The following ABCG5 variants were observed in gnomAD, a reference collection of about 807,000 sequenced individuals.
ABCG5 encodes the protein ATP-binding cassette sub-family G member 5.
A neutral mutation model predicts 64.5 loss-of-function variants in ABCG5; 64 were observed. That is an observed-to-expected ratio of 0.99 (90% confidence interval 0.81 to 1.22). The LOEUF is 1.22. ABCG5 is among the 50% of genes most tolerant of loss of function. ABCG5 has a pLI of 0.00. For missense variants in ABCG5, 908 were observed against 829.5 expected, an observed-to-expected ratio of 1.09 and a Z score of -1.16; for synonymous variants, 385 against 326.3, an observed-to-expected ratio of 1.18 and a Z score of -1.94.
rs1194231261 is a variant in ABCG5 at position 43,813,309 on chromosome 2, C to T, written c.1763G>A (p.Gly588Asp). The T allele has an allele frequency of 1.2e-6, 2 of 1,607,580 alleles. No homozygotes were observed. Among genetic ancestry groups the T allele is most frequent in the Admixed American group, 1.7e-5 (1 of 59,904 alleles). ...NEFYGLNFTC[G>D]SSNVSVTTNP... ...AGTTGTCACAGAAACATTTGAGCTG[C>T]CTGTCAAGGAAAAGATTGACAGTGT... Residue 588 changes from glycine to aspartate, a missense_variant and splice_region_variant, in exon 13 of 13, where the codon GGC (glycine) becomes GAC (aspartate). Coordinates refer to ENST00000405322, the MANE Select transcript of ABCG5 (RefSeq NM_022436.3).
At chr2:43,808,550 A>C (rs1666356198), downstream of ABCG5, among the ~76,000 whole-genome samples, 1 of 152,238 alleles carries the variant, frequency 6.6e-6, no homozygotes, top group African/African-American at 2.4e-5. Context: ...GCCAAGAGGC[A>C]TCCCCTTAGA....
At chr2:43,828,303 A>C in intron 4 of ABCG5, 188 bp from the exon 5 acceptor site, 2 of 781,372 alleles carry the variant, frequency 2.6e-6, no homozygotes, top group Non-Finnish European at 4.1e-6. Flanking sequence ...AAATCGTAAT[A>C]CATGTGTCAG....
intron 10 of ABCG5, among the ~76,000 whole-genome samples, chr2:43,822,342 A>G (rs951840584): frequency 6.6e-6 from 1 of 152,044 alleles, no homozygotes; most frequent in Admixed American, 6.5e-5. Flanking sequence ...ATCCTCTCTG[A>G]TGCTGCCCAA....
intron 11 of ABCG5, among the ~76,000 whole-genome samples, chr2:43,817,954 C>T (rs2104773031): frequency 6.6e-6 from 1 of 152,118 alleles, no homozygotes; most frequent in Middle Eastern, 3.4e-3. Flanking sequence ...ACACCTAGCC[C>T]ACCAAACATT....
At chr2:43,809,860 G>C, downstream of ABCG5, 1 of 1,484,192 alleles carries the variant, frequency 6.7e-7, no homozygotes, top group Non-Finnish European at 8.9e-7. Flanking sequence ...TGTGAAGAAA[G>C]TTAAACTGTA....
At position 43,828,024 on chromosome 2, in the gene ABCG5, C is replaced by T. The variant is rs141828689; in HGVS notation, c.593G>A (p.Arg198Gln). ...CTGGGCTGCGATGGAGACCCGGCGC[C>T]GCTCACCCGTGGAAATGCCCCCCAA... ...YSLGGISTGE[R>Q]RRVSIAAQLL... is the part of the protein sequence containing the mutation. The change falls in exon 5 of 13, where the codon CGG (arginine) becomes CAG (glutamine). Residue 198 changes from arginine (R) to glutamine (Q), a missense_variant. Physicochemically the swap from Arg to Gln is conservative, Grantham distance 43. Transcript: ENST00000405322. 2,202 of 1,614,134 alleles carry T rather than the reference C, an allele frequency of 1.4e-3. 3 individuals are homozygous for T. The highest frequency in any genetic ancestry group is 1.7e-3 in the Non-Finnish European group (1,961 of 1,180,032).
chr2:43,820,129 T>A, intron 10 of ABCG5, 29 bp from the exon 11 acceptor site: 1 of 1,605,190 alleles, frequency 6.2e-7, no homozygotes, highest in Non-Finnish European at 8.5e-7. Flanking sequence ...TTTAGTTTCC[T>A]CTCCAAGGGC....
Position 43,822,479 on chromosome 2 carries a change from C to A in ABCG5, c.1463+318G>T, listed in dbSNP as rs749560093. On this transcript the variant is annotated intron_variant, in intron 10 of 12. Transcript: ENST00000405322. ...AGGCTGCTTTCTCCCCTCCCCCAGG[C>A]CCCCCCCCATGCACCTGGGTCCTAG... 0.02 allele frequency: 13,371 copies of A among 668,654 alleles called. 1,133 individuals are homozygous for A. The highest frequency in any genetic ancestry group is 0.022 in the Non-Finnish European group (12,081 of 550,424). 41.4% of individuals were successfully genotyped at this position (668,654 alleles called of 1,614,324 possible).
At position 43,829,616 on chromosome 2, in the gene ABCG5, C is replaced by T. The variant is rs530193816; in HGVS notation, c.502-1501G>A. Among the ~76,000 whole-genome samples, 7 of 152,328 alleles carry T rather than the reference C, an allele frequency of 4.6e-5. No homozygotes were observed. In the East Asian group the frequency reaches 1.3e-3, roughly 29 times the overall value. The stretch of plus-strand genomic sequence containing the variant: ...CCTCAGCTTATCTCCTCTCCAGAGA[C>T]CTGTTCACAAATCTGTTTCTGTCCC... On this transcript the variant is annotated intron_variant, in intron 4 of 12. Transcript: ENST00000405322.
At chr2:43,835,308 CTTG>C (rs1176926042) in intron 2 of ABCG5, among the ~76,000 whole-genome samples, 1 of 151,758 alleles carries the variant, frequency 6.6e-6, no homozygotes, top group Non-Finnish European at 1.5e-5. Flanking sequence ...GGTTCCATTT[CTTG>C]TTGTTCTTAG....
chr2:43,813,709 G>C (rs531043156), intron 12 of ABCG5, among the ~76,000 whole-genome samples: 33 of 34,064 alleles, frequency 9.7e-4, no homozygotes, highest in Non-Finnish European at 1.4e-3. Context: ...TTTTTTTTTC[G>C]TTTTTTTTTT....
In ABCG5 at chr2:43,822,927, G is replaced by A; in HGVS notation, c.1333C>T (p.Leu445=). 6.2e-7 allele frequency: 1 copy of A among 1,613,990 alleles called. No individual in the cohort carries two copies. Among genetic ancestry groups the A allele is most frequent in the East Asian group, 2.2e-5 (1 of 44,854 alleles). ...CTCTCCTGGTCGCTGACAGCTCGCA[G>A]CACGGGAACTGGGGATGGAAGGCAG... ...MLNAVNLFPV[L]RAVSDQESQD... Residue 445 remains leucine, a synonymous_variant, in exon 10 of 13, where the codon CTG becomes TTG. Transcript: ENST00000405322.
At chr2:43,835,888 T>A (rs1463777152) in intron 2 of ABCG5, among the ~76,000 whole-genome samples, 1 of 152,128 alleles carries the variant, frequency 6.6e-6, no homozygotes, top group Non-Finnish European at 1.5e-5. Context: ...CCACCCAGTC[T>A]ATGGTATTTT....
At chr2:43,837,789 T>TA (rs1197259899) in intron 2 of ABCG5, 45 bp downstream of exon 2, 1 of 1,611,996 alleles carries the variant, frequency 6.2e-7, no homozygotes, top group Non-Finnish European at 8.5e-7. Context: ...ATGTGGAGTT[T>TA]AACTCAAGCC....
rs1395722384 is a variant in ABCG5 at position 43,825,035 on chromosome 2, C to CGTA, written c.775-20_775-18dup. The CGTA allele has an allele frequency of 3.1e-6, 5 of 1,612,682 alleles. No homozygotes were observed. The highest frequency in any genetic ancestry group is 1.3e-5 in the African/African-American group (1 of 74,898). On this transcript the variant is annotated splice_polypyrimidine_tract_variant and intron_variant, in intron 6 of 12. Transcript: ENST00000405322. ...GTCAAAGAGCTGACCAGACAACAGACGTAGTTAGTGTGTGATCACAAGGGT... is the reference window on the plus strand; with the variant it reads ...GTCAAAGAGCTGACCAGACAACAGACGTAGTAGTTAGTGTGTGATCACAAGGGT...
At chr2:43,814,780 A>G (rs1316076250) in intron 11 of ABCG5, among the ~76,000 whole-genome samples, 191 bp from the exon 12 acceptor site, 2 of 152,256 alleles carry the variant, frequency 1.3e-5, no homozygotes, top group Non-Finnish European at 2.9e-5. Flanking sequence ...TTGCCTAGAA[A>G]TAACTATTGT....
At chr2:43,814,254 T>C (rs1666675857) in intron 12 of ABCG5, among the ~76,000 whole-genome samples, 2 of 152,204 alleles carry the variant, frequency 1.3e-5, no homozygotes, top group African/African-American at 2.4e-5. Context: ...TCTAACAACA[T>C]CCAAGTGTCC....
intron 2 of ABCG5, among the ~76,000 whole-genome samples, chr2:43,835,039 C>T (rs867796826): frequency 3.9e-5 from 6 of 152,310 alleles, no homozygotes; most frequent in Middle Eastern, 3.4e-3. Context: ...ACGTGACCGA[C>T]CCTGTTCTAG....
At chr2:43,826,314 T>G in intron 6 of ABCG5, 68 bp downstream of exon 6, 1 of 1,609,474 alleles carries the variant, frequency 6.2e-7, no homozygotes, top group Non-Finnish European at 8.5e-7. Flanking sequence ...GTACAAATCT[T>G]GCCCCTGCCC....
Sources: allele counts gnomAD v4.1 joint callset (sites outside exome capture counted in the v4.1 genomes callset), GRCh38; gene constraint gnomAD v4.1.1; transcripts MANE v1.5; gene names NCBI Gene and HGNC (gene_info 2026-07-23, HGNC 2026-07-21).